DHX37: variants seen among roughly 807,000 people sequenced by gnomAD.
The protein encoded by DHX37 is probable ATP-dependent RNA helicase DHX37.
A neutral mutation model predicts 134.3 loss-of-function variants in DHX37; 52 were observed. The ratio of observed to expected loss-of-function variants is 0.39; its 90% CI spans 0.31 to 0.49. DHX37 has a LOEUF of 0.49. Ranked by LOEUF, DHX37 falls within the 20% of genes least tolerant of loss-of-function variation. The pLI is 0.93. For synonymous variants in DHX37, 634 were observed against 670.7 expected, an observed-to-expected ratio of 0.95 and a Z score of 0.85; for missense variants, 1,344 against 1,580.8, an observed-to-expected ratio of 0.85 and a Z score of 2.54.
At position 124,947,650 on chromosome 12, in the gene DHX37, G is replaced by C; in HGVS notation, c.*152C>G. On this transcript the variant is annotated 3_prime_UTR_variant, in exon 27 of 27. Transcript: ENST00000308736. ...GCGGCAGCACCCTTCATACGGGATC[G>C]AGCTCTCATGGATGAGGGTTCCCAG... is the stretch of plus-strand genomic sequence containing the variant. 1 of 1,030,284 alleles carries C rather than the reference G, an allele frequency of 9.7e-7. No homozygotes were observed. The highest frequency in any genetic ancestry group is 1.4e-6 in the Non-Finnish European group (1 of 731,640). The allele number at this position is 1,030,284 out of a possible 1,614,324, so 63.8% of individuals were successfully genotyped here. A position where few individuals can be genotyped will look rare whatever the true frequency, so the allele number is the denominator to read the frequency against.
chr12:124,988,328 A>G (rs1044994798), intron 1 of DHX37, among the ~76,000 whole-genome samples: 1 of 152,146 alleles, frequency 6.6e-6, no homozygotes, highest in Non-Finnish European at 1.5e-5. Flanking sequence ...TGTCTTCTCC[A>G]GCAACTCTAT....
intron 8 of DHX37, among the ~76,000 whole-genome samples, chr12:124,970,927 G>A (rs1306251943): frequency 2.6e-5 from 4 of 152,248 alleles, no homozygotes; most frequent in African/African-American, 4.8e-5. Flanking sequence ...AGAGCTCCGG[G>A]AGCCTGGCCC....
At position 124,949,415 on chromosome 12, in the gene DHX37, A is replaced by C. The variant is rs1460832348; in HGVS notation, c.3290+571T>G. Among the ~76,000 whole-genome samples, 1 of 152,104 alleles carries C rather than the reference A, an allele frequency of 6.6e-6. No individual in the cohort carries two copies. The highest frequency in any genetic ancestry group is 2.4e-5 in the African/African-American group (1 of 41,430). ...GGAGGAGAGCAGAAGCAGGAGGCAGAGGGCAAGGGTGAGCCCTGAAGCAGA... is the reference window on the plus strand; with the variant it reads ...GGAGGAGAGCAGAAGCAGGAGGCAGCGGGCAAGGGTGAGCCCTGAAGCAGA... On this transcript the variant is annotated intron_variant, in intron 25 of 26. Coordinates refer to ENST00000308736, the MANE Select transcript of DHX37 (RefSeq NM_032656.4). The surrounding 1 kb of genome is among the most constrained non-coding windows in gnomAD (Gnocchi z 4.0).
chr12:124,986,893 G>A (rs1954882882), intron 1 of DHX37, among the ~76,000 whole-genome samples: 2 of 151,110 alleles, frequency 1.3e-5, no homozygotes, highest in South Asian at 2.1e-4. Context: ...TTACAGGCAT[G>A]TACCACCACG....
chr12:124,968,825 T>G, intron 9 of DHX37, 42 bp downstream of exon 9: 1 of 1,611,592 alleles, frequency 6.2e-7, no homozygotes, highest in Admixed American at 1.7e-5. Context: ...AGGGCGTCCT[T>G]GTGCCATCCA....
At chr12:124,959,180 T>C (rs1465452209) in intron 16 of DHX37, among the ~76,000 whole-genome samples, 1 of 151,772 alleles carries the variant, frequency 6.6e-6, no homozygotes, top group Admixed American at 6.6e-5. Flanking sequence ...TTCAAGTGAT[T>C]ATCCTGCCTC....
At chr12:124,960,567 G>T in intron 15 of DHX37, 144 bp from the exon 16 acceptor site, 1 of 1,371,154 alleles carries the variant, frequency 7.3e-7, no homozygotes, top group Non-Finnish European at 9.7e-7. Context: ...CAGCAGGCAC[G>T]GTGCTTTACC....
chr12:124,988,879 A>T, intron 1 of DHX37, 38 bp downstream of exon 1: 7 of 1,269,246 alleles, frequency 5.5e-6, no homozygotes, highest in Non-Finnish European at 7.1e-6. Flanking sequence ...CGCCCTGGGA[A>T]ATCTCCGAAA....
At chr12:124,948,545 G>A (rs1371440164) in intron 25 of DHX37, 3 of 289,912 alleles carry the variant, frequency 1.0e-5, no homozygotes, top group Admixed American at 4.6e-5. Flanking sequence ...CCAGGAGTTC[G>A]AGACCAGCCT....
rs1953949651 is a variant in DHX37, at chr12:124,950,262, T to G, written c.3122-19A>C. On this transcript the variant is annotated intron_variant, in intron 23 of 26. Coordinates refer to ENST00000308736, the MANE Select transcript of DHX37 (RefSeq NM_032656.4). ...ACGCGATCTAGAAGGTGGGAGCCAG[T>G]GAGACAGGGACCCTCCTGCAGCTGC... 6.2e-7 allele frequency: 1 copy of G among 1,612,906 alleles called. No individual in the cohort carries two copies. The highest frequency in any genetic ancestry group is 8.5e-7 in the Non-Finnish European group (1 of 1,179,850).
At chr12:124,948,618 G>A (rs962449296) in intron 25 of DHX37, 29 of 198,994 alleles carry the variant, frequency 1.5e-4, no homozygotes, top group Admixed American at 9.1e-4. Flanking sequence ...GCATGGTGGC[G>A]GTCACCTGTA....
Position 124,957,100 on chromosome 12 carries a change from C to A in DHX37, c.2193G>T (p.Val731=). 6.7e-7 allele frequency: 1 copy of A among 1,496,164 alleles called. No individual in the cohort carries two copies. Among genetic ancestry groups the A allele is most frequent in the Non-Finnish European group, 8.9e-7 (1 of 1,126,470 alleles). 92.7% of individuals were successfully genotyped at this position (1,496,164 alleles called of 1,614,324 possible). A position where few individuals can be genotyped will look rare whatever the true frequency, so the allele number is the denominator to read the frequency against. ...INFPFPTPPS[V]EALLAAEELL... ...GCTCCTCGGCGGCAAGAAGGGCTTC[C>A]ACGGAGGGGGGCGTCGGGAAGGGGA... The change falls in exon 17 of 27, where the codon GTG becomes GTT. Residue 731 remains valine, a synonymous_variant. Coordinates refer to ENST00000308736, the MANE Select transcript of DHX37 (RefSeq NM_032656.4).
At position 124,965,757 on chromosome 12, in the gene DHX37, T is replaced by A; in HGVS notation, c.1646A>T (p.Asp549Val). ...ATCCACTTCTGCCTCCCTGTCCTCA[T>A]CGCCTTCGCCTGCCGGTAACACCGA... ...HYSVLPAGEGDEDREAEVDEE... is the reference protein window; with the variant it reads ...HYSVLPAGEGVEDREAEVDEE... The change falls in exon 13 of 27, where the codon GAT becomes GTT. Residue 549 changes from aspartate to valine, a missense_variant. Asp to Val is a radical substitution (Grantham distance 152). Transcript: ENST00000308736. The A allele has an allele frequency of 1.2e-6, 2 of 1,613,696 alleles. No individual in the cohort carries two copies. Among genetic ancestry groups the A allele is most frequent in the South Asian group, 1.1e-5 (1 of 91,018 alleles).
Position 124,972,617 on chromosome 12 carries a change from G to A in DHX37, c.981-18C>T, listed in dbSNP as rs374934683. ...AGACGACCCTGTATGGGCAGAGTTC[G>A]GGTTAGGGCAGAGCCGTGCCTGGCT... On this transcript the variant is annotated intron_variant, in intron 6 of 26. Transcript: ENST00000308736. 88 of 1,613,380 alleles carry A rather than the reference G, an allele frequency of 5.5e-5. No individual in the cohort carries two copies. The highest frequency in any genetic ancestry group is 6.6e-5 in the Non-Finnish European group (78 of 1,179,462).
chr12:124,968,346 T>G (rs1197721687), intron 10 of DHX37, among the ~76,000 whole-genome samples, 188 bp downstream of exon 10: 1 of 152,152 alleles, frequency 6.6e-6, no homozygotes, highest in Non-Finnish European at 1.5e-5. Context: ...TGCTGAAGCC[T>G]CATAGTATTT....
intron 16 of DHX37, 88 bp from the exon 17 acceptor site, chr12:124,957,223 C>T (rs1594478326): frequency 2.4e-6 from 3 of 1,231,432 alleles, no homozygotes; most frequent in Middle Eastern, 2.0e-4. Flanking sequence ...GCACTCCCTC[C>T]AACCCCTCTC....
intron 20 of DHX37, 49 bp downstream of exon 20, chr12:124,953,831 A>C: frequency 6.9e-6 from 11 of 1,596,772 alleles, no homozygotes; most frequent in Non-Finnish European, 9.4e-6. Context: ...TCAAGTGCCC[A>C]GGTCAGGTTG....
At chr12:124,978,533 G>T (rs1954690811) in intron 4 of DHX37, among the ~76,000 whole-genome samples, 1 of 151,106 alleles carries the variant, frequency 6.6e-6, no homozygotes, top group Non-Finnish European at 1.5e-5. Context: ...GGCCAGGCTG[G>T]TGTCAAACTC....
rs113365909 is a variant in DHX37, at chr12:124,968,005, C to T, written c.1408+529G>A. Among the ~76,000 whole-genome samples, 689 of 152,020 alleles carry T rather than the reference C, an allele frequency of 4.5e-3. 7 individuals are homozygous for T. The highest frequency in any genetic ancestry group is 0.016 in the African/African-American group (673 of 41,448). ...CTGAGGCAGGAGAATCACTTGAACC[C>T]GGGAGGTGGAGGTTGCAGTGAGCCA... On this transcript the variant is annotated intron_variant, in intron 10 of 26. Transcript: ENST00000308736.
Sources: allele counts gnomAD v4.1 joint callset (sites outside exome capture counted in the v4.1 genomes callset), GRCh38; gene constraint gnomAD v4.1.1; non-coding constraint Gnocchi (gnomAD v3.1); transcripts MANE v1.5; gene names NCBI Gene and HGNC (gene_info 2026-07-23, HGNC 2026-07-21).